The following NBEA variants were observed in gnomAD, a reference collection of about 807,000 sequenced individuals.
NBEA encodes lysosomal-trafficking regulator 2.
Under a neutral mutation model 343.4 loss-of-function variants are expected in NBEA, and 44 were observed. That is an observed-to-expected ratio of 0.13 (90% CI 0.10 to 0.16). The LOEUF (loss-of-function observed/expected upper bound fraction) is 0.16. Ranked by LOEUF, NBEA falls within the 10% of genes least tolerant of loss-of-function variation. NBEA has a pLI of 1.00. For synonymous variants in NBEA, 1,175 were observed against 1,238.7 expected (o/e 0.95, Z 1.08); for missense variants, 2,555 against 3,631.3 (o/e 0.70, Z 7.62).
At chr13:35,209,582 A>G (rs888519168) in intron 32 of NBEA, among the ~76,000 whole-genome samples, 8 of 151,808 alleles carry the variant, frequency 5.3e-5, no homozygotes, top group African/African-American at 1.9e-4. Context: ...TTGTGATTCC[A>G]TTTTAGGTAT....
At chr13:34,992,244 A>G (rs1047748261) in intron 1 of NBEA, among the ~76,000 whole-genome samples, 191 of 132,636 alleles carry the variant, frequency 1.4e-3, no homozygotes, top group South Asian at 4.3e-3. Context: ...GTGTGTATAT[A>G]TATATATATA....
At chr13:35,373,576 A>T (rs141722419) in intron 38 of NBEA, among the ~76,000 whole-genome samples, 1,875 of 151,836 alleles carry the variant, frequency 0.012, 17 homozygotes, top group Non-Finnish European at 0.02. Flanking sequence ...ATGGTGGTGC[A>T]TGCCTGTAGT....
intron 48 of NBEA, among the ~76,000 whole-genome samples, chr13:35,615,790 AGCCAG>A (rs959458451): frequency 3.3e-5 from 5 of 152,180 alleles, no homozygotes; most frequent in African/African-American, 1.2e-4. Context: ...GGAAATCCGA[AGCCAG>A]CTCCGTAGGG....
chr13:34,983,653 T>C (rs889989847), intron 1 of NBEA, among the ~76,000 whole-genome samples: 1 of 152,216 alleles, frequency 6.6e-6, no homozygotes, highest in South Asian at 2.1e-4. Flanking sequence ...GTAAAATTAT[T>C]CCTATTTCTC....
chr13:35,068,340 T>C (rs1350084274), intron 8 of NBEA, among the ~76,000 whole-genome samples: 3 of 152,318 alleles, frequency 2.0e-5, no homozygotes, highest in Non-Finnish European at 2.9e-5. Context: ...TAAGAGAATA[T>C]ATTAAAATTT....
At chr13:35,450,850 G>T (rs777755389) in intron 39 of NBEA, among the ~76,000 whole-genome samples, 2 of 152,136 alleles carry the variant, frequency 1.3e-5, no homozygotes, top group African/African-American at 2.4e-5. Context: ...TGATATAGAA[G>T]TATTTCATGT....
intron 36 of NBEA, among the ~76,000 whole-genome samples, chr13:35,335,228 GT>G (rs1334479470): frequency 6.6e-6 from 1 of 152,118 alleles, no homozygotes; most frequent in Non-Finnish European, 1.5e-5. Flanking sequence ...GTAACATGCT[GT>G]TTTGGTTACT....
intron 34 of NBEA, among the ~76,000 whole-genome samples, chr13:35,285,409 G>T (rs2035354204): frequency 1.3e-5 from 2 of 152,164 alleles, no homozygotes; most frequent in African/African-American, 4.8e-5. Context: ...TTAAAATTCA[G>T]ATTGTCAGTA....
chr13:35,027,980 T>G (rs2062072990), intron 1 of NBEA, among the ~76,000 whole-genome samples: 1 of 151,910 alleles, frequency 6.6e-6, no homozygotes, highest in African/African-American at 2.4e-5. Context: ...TGAGAATAAC[T>G]TGTTGATAAT....
intron 41 of NBEA, among the ~76,000 whole-genome samples, chr13:35,480,354 GA>G (rs912346877): frequency 1.3e-5 from 2 of 151,880 alleles, no homozygotes; most frequent in East Asian, 1.9e-4. Context: ...CTTTGTTTTC[GA>G]AAAAAACCTG....
chr13:35,208,908 T>A, intron 32 of NBEA, 54 bp downstream of exon 32: 2 of 1,273,216 alleles, frequency 1.6e-6, no homozygotes, highest in Non-Finnish European at 2.1e-6. Flanking sequence ...TTCTGTATCA[T>A]TTTTCTGCTT....
At chr13:35,018,791 A>C (rs926560902) in intron 1 of NBEA, among the ~76,000 whole-genome samples, 5 of 152,192 alleles carry the variant, frequency 3.3e-5, no homozygotes, top group African/African-American at 9.6e-5. Flanking sequence ...GAATAGAAGT[A>C]GTCAGAGAGA....
At chr13:35,430,222 G>A (rs1439579861) in intron 38 of NBEA, among the ~76,000 whole-genome samples, 3 of 151,944 alleles carry the variant, frequency 2.0e-5, no homozygotes, top group Non-Finnish European at 4.4e-5. Context: ...ATGATATTGA[G>A]CATTCTTTCA....
At chr13:35,425,849 T>C (rs2044628829) in intron 38 of NBEA, among the ~76,000 whole-genome samples, 1 of 152,226 alleles carries the variant, frequency 6.6e-6, no homozygotes, top group Non-Finnish European at 1.5e-5. Flanking sequence ...GGTGCATATA[T>C]ATTTAGGATA....
chr13:35,468,132 G>GCCCCCA (rs1566176841), intron 40 of NBEA, among the ~76,000 whole-genome samples: 3 of 103,028 alleles, frequency 2.9e-5, no homozygotes, highest in African/African-American at 3.9e-5. Context: ...CCCCTCCCCT[G>GCCCCCA]AAAATGATTA....
chr13:35,572,142 C>G (rs1177889427), intron 45 of NBEA, among the ~76,000 whole-genome samples: 1 of 152,134 alleles, frequency 6.6e-6, no homozygotes, highest in Non-Finnish European at 1.5e-5. Context: ...GAGATTTCCT[C>G]CCCACCCCAT....
At chr13:35,369,170 TTTTTG>T (rs1245733904) in intron 38 of NBEA, among the ~76,000 whole-genome samples, 8 of 150,896 alleles carry the variant, frequency 5.3e-5, no homozygotes, top group African/African-American at 1.9e-4. Flanking sequence ...TTTTTTTTTT[TTTTTG>T]AAGAGAGTGT....
intron 34 of NBEA, among the ~76,000 whole-genome samples, chr13:35,244,062 A>G (rs987584664): frequency 6.6e-6 from 1 of 151,932 alleles, no homozygotes; most frequent in African/African-American, 2.4e-5. Context: ...AATACATTTA[A>G]AACTATTAAA....
chr13:35,549,583 T>C (rs2079216053), intron 41 of NBEA, among the ~76,000 whole-genome samples: 1 of 152,158 alleles, frequency 6.6e-6, no homozygotes, highest in African/African-American at 2.4e-5. Context: ...AGCTCAGTAT[T>C]AGAGCCAACC....
Sources: allele counts gnomAD v4.1 joint callset (sites outside exome capture counted in the v4.1 genomes callset), GRCh38; gene constraint gnomAD v4.1.1; transcripts MANE v1.5; gene names NCBI Gene and HGNC (gene_info 2026-07-23, HGNC 2026-07-21).